GAB2: variants seen among roughly 807,000 people sequenced by gnomAD.
GAB2 encodes GRB2 associated binding protein 2, also known as GRB2-associated-binding protein 2.
Under a neutral mutation model 65.5 loss-of-function variants are expected in GAB2, and 26 were observed. That is an observed-to-expected ratio of 0.40 (90% confidence interval 0.29 to 0.55). The LOEUF is 0.55. Ranked by LOEUF, GAB2 falls within the 20% of genes least tolerant of loss-of-function variation. The probability of loss-of-function intolerance (pLI) is 0.53; values close to 1 mark genes in which losing one functional copy is unlikely to be tolerated. For synonymous variants in GAB2, 321 were observed against 329.6 expected (o/e 0.97, Z 0.28); for missense variants, 884 against 875.8 (o/e 1.01, Z -0.12).
chr11:78,376,114 T>TA (rs1856628577), intron 1 of GAB2, among the ~76,000 whole-genome samples: 1 of 152,206 alleles, frequency 6.6e-6, no homozygotes. Flanking sequence ...CAGGACCAGA[T>TA]AGGCAGGGAG....
chr11:78,309,452 C>G (rs1312231552), intron 1 of GAB2, among the ~76,000 whole-genome samples: 1 of 139,760 alleles, frequency 7.2e-6, no homozygotes, highest in African/African-American at 2.5e-5. Context: ...GTGGTTAAAC[C>G]CTGCCCCCTG....
chr11:78,222,433 T>C (rs1022006717), intron 6 of GAB2, among the ~76,000 whole-genome samples: 1 of 151,782 alleles, frequency 6.6e-6, no homozygotes, highest in African/African-American at 2.4e-5. Flanking sequence ...AATTATATTT[T>C]CAGAATCAAA....
At chr11:78,238,485 A>T (rs1290065531) in intron 3 of GAB2, among the ~76,000 whole-genome samples, 2 of 136,504 alleles carry the variant, frequency 1.5e-5, no homozygotes, top group Admixed American at 7.2e-5. Context: ...CCTGTCTCTT[A>T]AAAAAAAAAA....
intron 2 of GAB2, among the ~76,000 whole-genome samples, chr11:78,274,962 A>C (rs972846516): frequency 1.3e-5 from 2 of 152,236 alleles, no homozygotes; most frequent in African/African-American, 4.8e-5. Flanking sequence ...CCTTGGGTCA[A>C]ATCGTTGTTG....
At chr11:78,395,509 T>G (rs1372032056) in intron 1 of GAB2, among the ~76,000 whole-genome samples, 1 of 152,214 alleles carries the variant, frequency 6.6e-6, no homozygotes, top group African/African-American at 2.4e-5. Context: ...GCCACAAGCC[T>G]GGTTAGAGTA....
intron 1 of GAB2, among the ~76,000 whole-genome samples, chr11:78,412,748 C>T (rs1857145293): frequency 6.6e-6 from 1 of 152,118 alleles, no homozygotes; most frequent in Non-Finnish European, 1.5e-5. Flanking sequence ...TTAAAAAGCC[C>T]AGGCTTTAGG....
chr11:78,321,849 A>C (rs954893700), intron 1 of GAB2, among the ~76,000 whole-genome samples: 1 of 150,792 alleles, frequency 6.6e-6, no homozygotes, highest in African/African-American at 2.5e-5. Context: ...CACACCTACA[A>C]CAAACTGATA....
At chr11:78,297,487 G>T (rs1303464825) in intron 1 of GAB2, among the ~76,000 whole-genome samples, 2 of 152,060 alleles carry the variant, frequency 1.3e-5, no homozygotes, top group Admixed American at 6.6e-5. Context: ...GAGTGTGTGT[G>T]TTTTGAAGGA....
At chr11:78,411,974 G>A (rs1387474405) in intron 1 of GAB2, among the ~76,000 whole-genome samples, 2 of 151,974 alleles carry the variant, frequency 1.3e-5, no homozygotes, top group Non-Finnish European at 2.9e-5. Context: ...AGGTTGCAGT[G>A]AGCCAAGACT....
chr11:78,376,955 T>A (rs1201577979), intron 1 of GAB2, among the ~76,000 whole-genome samples: 3 of 152,140 alleles, frequency 2.0e-5, no homozygotes, highest in Admixed American at 6.6e-5. Flanking sequence ...TTGTAAGAGC[T>A]GTTCATTTAA....
At chr11:78,310,369 C>T (rs1487148468) in intron 1 of GAB2, among the ~76,000 whole-genome samples, 4 of 149,760 alleles carry the variant, frequency 2.7e-5, no homozygotes, top group Admixed American at 1.3e-4. Context: ...AAAAATTAGC[C>T]GGGCACGGTG....
At chr11:78,306,924 A>G (rs1855374652) in intron 1 of GAB2, among the ~76,000 whole-genome samples, 3 of 152,244 alleles carry the variant, frequency 2.0e-5, no homozygotes, top group African/African-American at 7.2e-5. Context: ...ATGTTTTACA[A>G]AATGTGTTAT....
rs2134469103 is a variant in GAB2 at position 78,226,751 on chromosome 11, C to T, written c.921G>A (p.Gly307=). The T allele has an allele frequency of 6.2e-7, 1 of 1,613,982 alleles. No individual in the cohort carries two copies. Residue 307 remains glycine, a synonymous_variant, in exon 4 of 10, where the codon GGG becomes GGA. Transcript: ENST00000361507. ...TPSNTLCREF[G]DLLVDNMDVP... Reference sequence around the variant, plus strand: ...CATCCATATTGTCTACCAGGAGGTCCCCGAACTCCCTGCACAGGGTGTTGC... The same window carrying T: ...CATCCATATTGTCTACCAGGAGGTCTCCGAACTCCCTGCACAGGGTGTTGC...
chr11:78,291,359 G>A (rs1028693992), intron 1 of GAB2, among the ~76,000 whole-genome samples: 36 of 150,324 alleles, frequency 2.4e-4, no homozygotes, highest in African/African-American at 7.1e-4. Flanking sequence ...CCAGCTACTC[G>A]GGAGGCTGAG....
intron 1 of GAB2, among the ~76,000 whole-genome samples, chr11:78,327,886 A>G (rs1196476017): frequency 6.6e-6 from 1 of 152,194 alleles, no homozygotes. Flanking sequence ...ATTGAATTGA[A>G]GAAGTGGATG....
At chr11:78,279,442 C>CT (rs1446670469) in intron 2 of GAB2, among the ~76,000 whole-genome samples, 8 of 151,772 alleles carry the variant, frequency 5.3e-5, no homozygotes, top group Admixed American at 2.0e-4. Flanking sequence ...ACCTGAGGAA[C>CT]TTTTTTTTAA....
intron 1 of GAB2, among the ~76,000 whole-genome samples, chr11:78,365,008 T>A (rs1314347773): frequency 6.6e-6 from 1 of 152,136 alleles, no homozygotes; most frequent in Non-Finnish European, 1.5e-5. Context: ...CAACAGGGTT[T>A]TGGGGAACAG....
intron 1 of GAB2, among the ~76,000 whole-genome samples, chr11:78,354,756 C>T (rs906972474): frequency 3.9e-5 from 6 of 152,218 alleles, no homozygotes; most frequent in Non-Finnish European, 7.3e-5. Context: ...TGAAGCCATT[C>T]GCCTTCCAGC....
At chr11:78,362,961 A>C (rs935205370) in intron 1 of GAB2, among the ~76,000 whole-genome samples, 1 of 152,186 alleles carries the variant, frequency 6.6e-6, no homozygotes, top group Non-Finnish European at 1.5e-5. Flanking sequence ...TGGCCTCGAA[A>C]TATATAAAGC....
Sources: allele counts gnomAD v4.1 joint callset (sites outside exome capture counted in the v4.1 genomes callset), GRCh38; gene constraint gnomAD v4.1.1; transcripts MANE v1.5; gene names NCBI Gene and HGNC (gene_info 2026-07-23, HGNC 2026-07-21).